DERA: variants seen among roughly 807,000 people sequenced by gnomAD.
The protein encoded by DERA is deoxyribose-phosphate aldolase, also known as 2-deoxy-D-ribose 5-phosphate aldolase.
In DERA, 15 loss-of-function variants were observed where a neutral mutation model predicts 41.1. That is an observed-to-expected ratio of 0.37 (90% CI 0.24 to 0.56). The LOEUF (loss-of-function observed/expected upper bound fraction) is 0.56, where lower values mean the gene tolerates loss of function less well. Ranked by LOEUF, DERA falls within the 20% of genes least tolerant of loss-of-function variation. The pLI is 0.81. For missense variants in DERA, 396 were observed against 403.4 expected (o/e 0.98, Z 0.16); for synonymous variants, 139 against 137.4 (o/e 1.01, Z -0.08).
rs115592520 is a variant in DERA, at chr12:15,992,109, A to T, written c.637+9673A>T. On this transcript the variant is annotated intron_variant, in intron 6 of 8. Transcript: ENST00000428559. This position sits in a 1 kb window ranked among gnomAD's most constrained non-coding sequence, Gnocchi z 4.3. Reference sequence around the variant, plus strand: ...CAAAACTGTGCTCTTCCCTGGGCTAAGGACCACACCTTCCTTAACTTTATT... The same window carrying T: ...CAAAACTGTGCTCTTCCCTGGGCTATGGACCACACCTTCCTTAACTTTATT... Among the ~76,000 whole-genome samples the T allele has an allele frequency of 3.0e-3, 453 of 152,012 alleles. 2 individuals carry two copies. Among genetic ancestry groups the T allele is most frequent in the African/African-American group, 0.011 (436 of 41,446 alleles).
In DERA at chr12:16,013,989, G is replaced by A. The variant is rs965621978; in HGVS notation, c.638-18553G>A. On this transcript the variant is annotated intron_variant, in intron 6 of 8. Transcript: ENST00000428559. This position sits in a 1 kb window ranked among gnomAD's most constrained non-coding sequence, Gnocchi z 5.8. ...TTTGAACTTGAGAGAGGTGATTTAG[G>A]GTATTTGGCAGAATAAATTTCTAAG... 2.6e-5 allele frequency among the ~76,000 whole-genome samples: 4 copies of A among 152,104 alleles called. No individual in the cohort carries two copies. The highest frequency in any genetic ancestry group is 7.2e-5 in the African/African-American group (3 of 41,392).
intron 6 of DERA, among the ~76,000 whole-genome samples, chr12:16,029,454 A>G (rs939650279): frequency 1.3e-5 from 2 of 152,142 alleles, no homozygotes; most frequent in African/African-American, 2.4e-5. Flanking sequence ...AAATAAATAA[A>G]TAAACAAACT....
In DERA at chr12:15,917,378, T is replaced by A. The variant is rs536488200; in HGVS notation, c.31+5964T>A. Among the ~76,000 whole-genome samples the A allele has an allele frequency of 2.0e-5, 3 of 152,322 alleles. No individual in the cohort carries two copies. The South Asian group carries it at 6.2e-4, about 32-fold the overall frequency. On this transcript the variant is annotated intron_variant, in intron 1 of 8. Transcript: ENST00000428559. Reference sequence around the variant, plus strand: ...GGTTTCTTTAAACAATAAAATTGATTTGTGTAATTTTAAGTTAATGTGGGT... The same window carrying A: ...GGTTTCTTTAAACAATAAAATTGATATGTGTAATTTTAAGTTAATGTGGGT...
intron 6 of DERA, among the ~76,000 whole-genome samples, chr12:16,023,561 TC>T (rs1330131330): frequency 7.2e-6 from 1 of 138,730 alleles, no homozygotes; most frequent in Admixed American, 7.7e-5. Context: ...CACTGCAAGC[TC>T]CGCCTCCCGG....
chr12:15,997,209 TACTG>T (rs1226266714), intron 6 of DERA, among the ~76,000 whole-genome samples: 1 of 152,062 alleles, frequency 6.6e-6, no homozygotes, highest in Non-Finnish European at 1.5e-5. Context: ...TGATAATAAA[TACTG>T]ACACAAGACT....
chr12:15,926,002 T>C (rs1490542545), intron 1 of DERA, among the ~76,000 whole-genome samples: 1 of 151,822 alleles, frequency 6.6e-6, no homozygotes, highest in African/African-American at 2.4e-5. Flanking sequence ...TTTGTATTTT[T>C]AGTAGAGTCG....
intron 1 of DERA, among the ~76,000 whole-genome samples, chr12:15,932,696 T>C (rs972626202): frequency 6.6e-6 from 1 of 152,180 alleles, no homozygotes; most frequent in Non-Finnish European, 1.5e-5. Context: ...AGGTGTAATA[T>C]GTGGTGAGAA....
In DERA at chr12:15,993,189, G is replaced by A. The variant is rs1314344864; in HGVS notation, c.637+10753G>A. 6.6e-6 allele frequency among the ~76,000 whole-genome samples: 1 copy of A among 151,674 alleles called. No homozygotes were observed. The highest frequency in any genetic ancestry group is 1.5e-5 in the Non-Finnish European group (1 of 67,932). ...GGAGAAATAAGAGAATATAGGGGAA[G>A]CCATCAAAAAATAAAATAAAGGGGA... On this transcript the variant is annotated intron_variant, in intron 6 of 8. Coordinates refer to ENST00000428559, the MANE Select transcript of DERA (RefSeq NM_015954.4). This position sits in a 1 kb window ranked among gnomAD's most constrained non-coding sequence, Gnocchi z 4.4.
intron 1 of DERA, among the ~76,000 whole-genome samples, chr12:15,919,994 C>CTG (rs1948230059): frequency 1.2e-5 from 1 of 84,986 alleles, no homozygotes; most frequent in Non-Finnish European, 2.7e-5. Flanking sequence ...GTGTGTGTGT[C>CTG]TGTGTGTGTG....
Position 15,924,842 on chromosome 12 carries a change from A to G in DERA, c.31+13428A>G, listed in dbSNP as rs1183208323. On this transcript the variant is annotated intron_variant, in intron 1 of 8. Coordinates refer to ENST00000428559, the MANE Select transcript of DERA (RefSeq NM_015954.4). This position sits in a 1 kb window ranked among gnomAD's most constrained non-coding sequence, Gnocchi z 5.0. ...AAGATACTTTGCCTTCTTTTATGGTACCTACCAATTTCAGCCTTGTGTTTT... is the reference window on the plus strand; with the variant it reads ...AAGATACTTTGCCTTCTTTTATGGTGCCTACCAATTTCAGCCTTGTGTTTT... Among the ~76,000 whole-genome samples the G allele has an allele frequency of 6.6e-6, 1 of 152,170 alleles. No homozygotes were observed. Among genetic ancestry groups the G allele is most frequent in the Non-Finnish European group, 1.5e-5 (1 of 68,034 alleles).
intron 6 of DERA, among the ~76,000 whole-genome samples, chr12:16,006,844 T>TA (rs1948914057): frequency 6.6e-6 from 1 of 152,268 alleles, no homozygotes; most frequent in South Asian, 2.1e-4. Flanking sequence ...CCTGTATTGC[T>TA]ATCAAGAAAT....
rs914559217 is a variant in DERA, at chr12:15,976,385, C to T, written c.509-5923C>T. On this transcript the variant is annotated intron_variant, in intron 5 of 8. Coordinates refer to ENST00000428559, the MANE Select transcript of DERA (RefSeq NM_015954.4). The surrounding 1 kb of genome is among the most constrained non-coding windows in gnomAD (Gnocchi z 4.1). ...TGGTAAGGGTGACCTTCACTTTCCC[C>T]AGAGCTGACTGCACGTCCCCCTCAC... Among the ~76,000 whole-genome samples the T allele has an allele frequency of 1.3e-5, 2 of 152,154 alleles. No individual in the cohort carries two copies. The highest frequency in any genetic ancestry group is 4.8e-5 in the African/African-American group (2 of 41,424).
chr12:15,939,159 A>G (rs552159382), intron 1 of DERA, among the ~76,000 whole-genome samples: 7 of 152,312 alleles, frequency 4.6e-5, no homozygotes, highest in African/African-American at 1.2e-4. Context: ...CTACATGGAG[A>G]GAAAGAAGGA....
Position 15,966,074 on chromosome 12 carries a change from C to A in DERA, c.508+3127C>A, listed in dbSNP as rs1210669009. 6.6e-6 allele frequency among the ~76,000 whole-genome samples: 1 copy of A among 152,164 alleles called. No homozygotes were observed. Among genetic ancestry groups the A allele is most frequent in the African/African-American group, 2.4e-5 (1 of 41,432 alleles). ...AGCAACGTCCTCCTTTCTTCTCTTC[C>A]CTTCATGACTAAAATTCTGAAAAGA... On this transcript the variant is annotated intron_variant, in intron 5 of 8. Transcript: ENST00000428559. This position sits in a 1 kb window ranked among gnomAD's most constrained non-coding sequence, Gnocchi z 5.1.
In DERA at chr12:15,995,882, G is replaced by A. The variant is rs2136170194; in HGVS notation, c.637+13446G>A. On this transcript the variant is annotated intron_variant, in intron 6 of 8. Transcript: ENST00000428559. The surrounding 1 kb of genome is among the most constrained non-coding windows in gnomAD (Gnocchi z 5.1). ...GAAGATTTTTCTCTCTTAACTCAAA[G>A]TAGTAGGACTAGGACCAACTTTTAG... Among the ~76,000 whole-genome samples the A allele has an allele frequency of 6.6e-6, 1 of 152,296 alleles. No homozygotes were observed. The highest frequency in any genetic ancestry group is 1.9e-4 in the East Asian group (1 of 5,172).
chr12:16,027,407 G>GA (rs1592057244), intron 6 of DERA, among the ~76,000 whole-genome samples: 1 of 152,196 alleles, frequency 6.6e-6, no homozygotes, highest in Non-Finnish European at 1.5e-5. Context: ...CCCTCTTTGG[G>GA]AAAAAGAGCT....
rs141173402 is a variant in DERA at position 15,940,922 on chromosome 12, C to T, written c.32-16014C>T. On this transcript the variant is annotated intron_variant, in intron 1 of 8. Coordinates refer to ENST00000428559, the MANE Select transcript of DERA (RefSeq NM_015954.4). This position sits in a 1 kb window ranked among gnomAD's most constrained non-coding sequence, Gnocchi z 5.1. The stretch of plus-strand genomic sequence containing the variant: ...ATAGATATCTTTGGTTTCCATAGCA[C>T]GTGGCAAATGTTGAAAAACATTTTG... 2.0e-3 allele frequency among the ~76,000 whole-genome samples: 300 copies of T among 152,182 alleles called. 2 individuals are homozygous for T. Among genetic ancestry groups the T allele is most frequent in the African/African-American group, 6.8e-3 (281 of 41,512 alleles).
rs989826460 is a variant in DERA, at chr12:15,943,414, G to A, written c.32-13522G>A. Among the ~76,000 whole-genome samples, 5 of 152,156 alleles carry A rather than the reference G, an allele frequency of 3.3e-5. No individual in the cohort carries two copies. Among genetic ancestry groups the A allele is most frequent in the Non-Finnish European group, 5.9e-5 (4 of 68,034 alleles). The stretch of plus-strand genomic sequence containing the variant: ...TGACTTTCGCACCACAGCCAGAGGG[G>A]TTATTTAAAAATGTAAATCAGATCA... On this transcript the variant is annotated intron_variant, in intron 1 of 8. Coordinates refer to ENST00000428559, the MANE Select transcript of DERA (RefSeq NM_015954.4). The surrounding 1 kb of genome is among the most constrained non-coding windows in gnomAD (Gnocchi z 4.5).
chr12:15,965,402 A>G lies in DERA; in HGVS notation c.508+2455A>G, dbSNP rs958598661. Reference sequence around the variant, plus strand: ...GCACCTATCAACCCATCACCTAGGTAGGTATTAAGTGCCTCATGCATTAGC... The same window carrying G: ...GCACCTATCAACCCATCACCTAGGTGGGTATTAAGTGCCTCATGCATTAGC... On this transcript the variant is annotated intron_variant, in intron 5 of 8. Coordinates refer to ENST00000428559, the MANE Select transcript of DERA (RefSeq NM_015954.4). The surrounding 1 kb of genome is among the most constrained non-coding windows in gnomAD (Gnocchi z 4.1). 6.6e-6 allele frequency among the ~76,000 whole-genome samples: 1 copy of G among 152,152 alleles called. No individual in the cohort carries two copies. The highest frequency in any genetic ancestry group is 1.5e-5 in the Non-Finnish European group (1 of 68,026).
Sources: allele counts gnomAD v4.1 joint callset (sites outside exome capture counted in the v4.1 genomes callset), GRCh38; gene constraint gnomAD v4.1.1; non-coding constraint Gnocchi (gnomAD v3.1); transcripts MANE v1.5; gene names NCBI Gene and HGNC (gene_info 2026-07-23, HGNC 2026-07-21).